The following LMTK2 variants were observed in gnomAD, a reference collection of about 807,000 sequenced individuals.
The protein encoded by LMTK2 is serine/threonine-protein kinase LMTK2.
A neutral mutation model predicts 127.5 loss-of-function variants in LMTK2; 37 were observed. The observed-to-expected ratio is 0.29, with a 90% CI of 0.22 to 0.38. LMTK2 has a LOEUF of 0.38. Among genes scored for constraint, LMTK2 ranks in the 10% least tolerant of loss-of-function variants. The pLI is 1.00. For synonymous variants in LMTK2, 819 were observed against 810.1 expected, an observed-to-expected ratio of 1.01 and a Z score of -0.19; for missense variants, 1,694 against 1,920.3, an observed-to-expected ratio of 0.88 and a Z score of 2.20.
intron 11 of LMTK2, among the ~76,000 whole-genome samples, chr7:98,202,804 C>T (rs543011165): frequency 6.6e-6 from 1 of 152,326 alleles, no homozygotes; most frequent in Admixed American, 6.5e-5. Flanking sequence ...TTCATCGGGT[C>T]ACCTTTTTGA....
rs745751317 is a variant in LMTK2 at position 98,171,686 on chromosome 7, C to T, written c.791+12C>T. 15 of 1,563,288 alleles carry T rather than the reference C, an allele frequency of 9.6e-6. No homozygotes were observed. The highest frequency in any genetic ancestry group is 7.3e-5 in the South Asian group (6 of 82,086). ...CACTTCCTGCACAGGTGGGTACCTG[C>T]GTCAGCGGTGCACGCCCCACACAGC... On this transcript the variant is annotated intron_variant, in intron 7 of 13. Transcript: ENST00000297293. The surrounding 1 kb of genome is among the most constrained non-coding windows in gnomAD (Gnocchi z 5.1).
Position 98,206,935 on chromosome 7 carries a change from C to G in LMTK2, c.*1443C>G, listed in dbSNP as rs922205779. The G allele has an allele frequency of 6.6e-6, 1 of 152,168 alleles. No homozygotes were observed. Among genetic ancestry groups the G allele is most frequent in the Non-Finnish European group, 1.5e-5 (1 of 68,046 alleles). The allele number at this position is 152,168 out of a possible 1,614,324, so 9.4% of individuals were successfully genotyped here. ...CCTGCATGGCCCGGGACTCATCTCACGGACCCTCCGTTCTGCATTAAGCCC... is the reference window on the plus strand; with the variant it reads ...CCTGCATGGCCCGGGACTCATCTCAGGGACCCTCCGTTCTGCATTAAGCCC... On this transcript the variant is annotated 3_prime_UTR_variant, in exon 14 of 14. Transcript: ENST00000297293.
intron 7 of LMTK2, among the ~76,000 whole-genome samples, chr7:98,174,095 A>G (rs561889621): frequency 9.2e-6 from 1 of 108,950 alleles, no homozygotes; most frequent in Non-Finnish European, 2.0e-5. Flanking sequence ...CAGCTGTTTC[A>G]TTTTGTTGTA....
chr7:98,169,123 C>T (rs1797147930), intron 6 of LMTK2, among the ~76,000 whole-genome samples: 1 of 152,094 alleles, frequency 6.6e-6, no homozygotes, highest in Non-Finnish European at 1.5e-5. Context: ...GCTCTATGGA[C>T]CTTTCTGAAA....
In LMTK2 at chr7:98,116,910, T is replaced by A. The variant is rs1320504851; in HGVS notation, c.103+9630T>A. On this transcript the variant is annotated intron_variant, in intron 1 of 13. Transcript: ENST00000297293. ...GGTCAGATATTTTGTAGAATGTCCC[T>A]CAACTGGGATTTGTCTGATGTTTTT... 2.0e-5 allele frequency among the ~76,000 whole-genome samples: 3 copies of A among 152,258 alleles called. No homozygotes were observed. The East Asian group carries it at 5.8e-4, about 29-fold the overall frequency.
rs901564251 is a variant in LMTK2, at chr7:98,171,956, C to G, written c.791+282C>G. Among the ~76,000 whole-genome samples the G allele has an allele frequency of 3.9e-5, 6 of 152,310 alleles. No homozygotes were observed. Among genetic ancestry groups the G allele is most frequent in the African/African-American group, 1.4e-4 (6 of 41,570 alleles). On this transcript the variant is annotated intron_variant, in intron 7 of 13. Transcript: ENST00000297293. This position sits in a 1 kb window ranked among gnomAD's most constrained non-coding sequence, Gnocchi z 5.1. The stretch of plus-strand genomic sequence containing the variant: ...CCTCAGAGTTGGGAGTAAACAGTCC[C>G]GATCCACCGTATGACACCTCGCGTG...
intron 5 of LMTK2, among the ~76,000 whole-genome samples, chr7:98,156,726 G>C (rs116341992): frequency 6.6e-6 from 1 of 152,186 alleles, no homozygotes; most frequent in South Asian, 2.1e-4. Flanking sequence ...GTTTTTAAAG[G>C]AATTGGCTCA....
rs75058070 is a variant in LMTK2, at chr7:98,180,667, G to A, written c.792-4384G>A. ...AATTTGGAAAGGGCCTGACTACAAC[G>A]CTTGCATATCTTTGAGAAAGGGGAA... On this transcript the variant is annotated intron_variant, in intron 7 of 13. Coordinates refer to ENST00000297293, the MANE Select transcript of LMTK2 (RefSeq NM_014916.4). Among the ~76,000 whole-genome samples, 1,149 of 152,272 alleles carry A rather than the reference G, an allele frequency of 7.5e-3. 17 individuals are homozygous for A. The highest frequency in any genetic ancestry group is 0.026 in the African/African-American group (1,062 of 41,554).
At chr7:98,140,152 CTTTTCTTTTCTTTT>C (rs1796666674) in intron 2 of LMTK2, among the ~76,000 whole-genome samples, 15 of 59,108 alleles carry the variant, frequency 2.5e-4, no homozygotes, top group African/African-American at 7.9e-4. Flanking sequence ...CTTTTCTTTT[CTTTTCTTTTCTTTT>C]CTTTTCTTTC....
chr7:98,190,176 G>A (rs1797500561), intron 9 of LMTK2, among the ~76,000 whole-genome samples: 1 of 151,918 alleles, frequency 6.6e-6, no homozygotes, highest in Non-Finnish European at 1.5e-5. Flanking sequence ...TTTTTCATTG[G>A]CCAAAACTTC....
At chr7:98,113,933 CTT>C (rs35638586) in intron 1 of LMTK2, among the ~76,000 whole-genome samples, 9,020 of 141,678 alleles carry the variant, frequency 0.064, 602 homozygotes, top group East Asian at 0.34. Flanking sequence ...TTATTAAATT[CTT>C]TTTTTTTTTT....
At position 98,192,656 on chromosome 7, in the gene LMTK2, T is replaced by G; in HGVS notation, c.2191T>G (p.Leu731Val). ...CTTTTTATTTCTTCAAGAGAAAAAC[T>G]TACTAAAAGGCTCATTGTCCAGCAA... Reference protein sequence around the residue: ...ENFLFLQEKNLLKGSLSSKEH... With the variant: ...ENFLFLQEKNVLKGSLSSKEH... The change falls in exon 11 of 14, where the codon TTA (leucine) becomes GTA (valine). Residue 731 changes from leucine (L) to valine (V), a missense_variant. Transcript: ENST00000297293. 6.2e-7 allele frequency: 1 copy of G among 1,610,696 alleles called. No individual in the cohort carries two copies. Among genetic ancestry groups the G allele is most frequent in the Non-Finnish European group, 8.5e-7 (1 of 1,179,120 alleles).
intron 5 of LMTK2, 116 bp from the exon 6 acceptor site, chr7:98,159,222 A>G: frequency 1.8e-6 from 1 of 554,154 alleles, no homozygotes; most frequent in South Asian, 3.0e-5. Flanking sequence ...TATTATATAA[A>G]TTATTATGAA....
At chr7:98,160,649 C>T (rs1430568198) in intron 6 of LMTK2, among the ~76,000 whole-genome samples, 1 of 151,922 alleles carries the variant, frequency 6.6e-6, no homozygotes, top group African/African-American at 2.4e-5. Context: ...TTAAATCTCT[C>T]ATATCTTCTG....
At position 98,203,573 on chromosome 7, in the gene LMTK2, G is replaced by C. The variant is rs1178339359; in HGVS notation, c.4108-1G>C. On this transcript the variant is annotated splice_acceptor_variant, in intron 11 of 13. Coordinates refer to ENST00000297293, the MANE Select transcript of LMTK2 (RefSeq NM_014916.4). LOFTEE classifies it high-confidence loss of function. ...ACAGGAGTTTCTGTTTGACTTTTCA[G>C]GAGACCCCAACCAAAGAGCTGGGGC... 6.3e-7 allele frequency: 1 copy of C among 1,582,540 alleles called. No homozygotes were observed. The highest frequency in any genetic ancestry group is 1.4e-5 in the African/African-American group (1 of 72,722).
At chr7:98,140,147 CTTTTCTTTTCTTTTCTTTTCTT>C (rs1262813765) in intron 2 of LMTK2, among the ~76,000 whole-genome samples, 8 of 62,706 alleles carry the variant, frequency 1.3e-4, no homozygotes, top group South Asian at 1.2e-3. Context: ...TCTTTCTTTT[CTTTTCTTTTCTTTTCTTTTCTT>C]TTCTTTCTTT....
chr7:98,195,571 A>T (rs1335132736), intron 11 of LMTK2, among the ~76,000 whole-genome samples: 2 of 152,114 alleles, frequency 1.3e-5, no homozygotes, highest in Non-Finnish European at 2.9e-5. Context: ...GTGGTGGGAC[A>T]TGAAAATGGG....
At chr7:98,109,036 A>G (rs1449992050) in intron 1 of LMTK2, among the ~76,000 whole-genome samples, 1 of 151,414 alleles carries the variant, frequency 6.6e-6, no homozygotes, top group Non-Finnish European at 1.5e-5. Context: ...TAATTTTTGT[A>G]TTTTTAGTAG....
chr7:98,126,188 A>G (rs1157615287), intron 1 of LMTK2, among the ~76,000 whole-genome samples: 1 of 152,174 alleles, frequency 6.6e-6, no homozygotes, highest in Non-Finnish European at 1.5e-5. Flanking sequence ...CACTTCTCCC[A>G]TCTTTCAGCT....
Sources: gnomAD v4.1 joint callset for allele counts (sites outside exome capture counted in the v4.1 genomes callset) on GRCh38, gnomAD v4.1.1 for gene constraint, Gnocchi (gnomAD v3.1) non-coding constraint, MANE v1.5 for transcripts, NCBI Gene and HGNC (gene_info 2026-07-23, HGNC 2026-07-21) for gene names.